DMD: variants seen among roughly 807,000 people sequenced by gnomAD.
DMD encodes dystrophin.
Under a neutral mutation model 330.1 loss-of-function variants are expected in DMD, and 63 were observed. The ratio of observed to expected loss-of-function variants is 0.19; its 90% CI spans 0.16 to 0.24. DMD has a LOEUF of 0.24. Ranked by LOEUF, DMD falls within the 10% of genes least tolerant of loss-of-function variation. The pLI is 1.00. For missense variants in DMD, 3,344 were observed against 2,684.1 expected (o/e 1.25, Z -5.43); for synonymous variants, 1,223 against 959.8 (o/e 1.27, Z -5.07).
chrX:32,498,219 G>C (rs904016325), intron 19 of DMD, among the ~76,000 whole-genome samples: 12 of 111,056 alleles, frequency 1.1e-4, no homozygotes, highest in Non-Finnish European at 1.5e-4. Context: ...GAAAATTACA[G>C]CTATCCAAAA....
In DMD at chrX:31,931,485, C is replaced by T. The variant is rs192119967; in HGVS notation, c.6762+595G>A. 1.4e-3 allele frequency among the ~76,000 whole-genome samples: 160 copies of T among 110,394 alleles called. No individual in the cohort carries two copies. The Middle Eastern group carries it at 0.023, about 16-fold the overall frequency. Reference sequence around the variant, plus strand: ...AATGGAATGTGAACCAACACCACGTCCCACACCCCCAGACAAATCAGCTAA... The same window carrying T: ...AATGGAATGTGAACCAACACCACGTTCCACACCCCCAGACAAATCAGCTAA... On this transcript the variant is annotated intron_variant, in intron 46 of 78. Coordinates refer to ENST00000357033, the MANE Select transcript of DMD (RefSeq NM_004006.3).
At chrX:33,263,674 A>C (rs984762569) in intron 1 of DMD, among the ~76,000 whole-genome samples, 4 of 109,602 alleles carry the variant, frequency 3.6e-5, no homozygotes, top group Non-Finnish European at 5.7e-5. Context: ...ATCTATAAAA[A>C]GATGAATATG....
At chrX:32,574,608 T>C (rs1307804678) in intron 13 of DMD, among the ~76,000 whole-genome samples, 2 of 111,957 alleles carry the variant, frequency 1.8e-5, no homozygotes, top group Non-Finnish European at 3.8e-5. Flanking sequence ...CTTTATAGCC[T>C]GAATTTTCAA....
At position 31,119,892 on chromosome X, in the gene DMD, A is replaced by G. The variant is rs1400438471; in HGVS notation, c.*2027T>C. 1 of 112,115 alleles carries G rather than the reference A, an allele frequency of 8.9e-6. No individual in the cohort carries two copies. The highest frequency in any genetic ancestry group is 1.9e-5 in the Non-Finnish European group (1 of 53,131). The allele number at this position is 112,115 out of a possible 1,213,427, so 9.2% of individuals were successfully genotyped here. ...TATGAAGGAAAAAGAAAGAATTATA[A>G]AGGAAAAAGAAAATAACGCAATGGA... On this transcript the variant is annotated 3_prime_UTR_variant, in exon 79 of 79. Coordinates refer to ENST00000357033, the MANE Select transcript of DMD (RefSeq NM_004006.3).
intron 2 of DMD, among the ~76,000 whole-genome samples, chrX:32,905,482 G>A (rs925648235): frequency 2.7e-5 from 3 of 110,791 alleles, no homozygotes; most frequent in African/African-American, 9.9e-5. Context: ...TCATTCTTTG[G>A]GTCTTAGCAT....
Position 33,005,275 on chromosome X carries a change from A to AACACACACACAC in DMD, c.93+14852_93+14863dup, listed in dbSNP as rs376666672. 4.0e-3 allele frequency among the ~76,000 whole-genome samples: 415 copies of AACACACACACAC among 102,613 alleles called. 3 individuals carry two copies. The highest frequency in any genetic ancestry group is 0.021 in the South Asian group (48 of 2,305). The allele number at this position is 102,613 out of a possible 115,157, so 89.1% of individuals were successfully genotyped here. On this transcript the variant is annotated intron_variant, in intron 2 of 78. Transcript: ENST00000357033. ...AACTTTTGGACTTTACACACACACA[A>AACACACACACAC]ACACACACACACACACACACGCATA...
At chrX:32,298,613 G>T (rs2097507535) in intron 42 of DMD, among the ~76,000 whole-genome samples, 1 of 110,543 alleles carries the variant, frequency 9.0e-6, no homozygotes, top group Non-Finnish European at 1.9e-5. Flanking sequence ...AACTTGCTCA[G>T]AAAATACTGA....
chrX:31,951,063 G>T (rs2095155798), intron 45 of DMD, among the ~76,000 whole-genome samples: 2 of 97,382 alleles, frequency 2.1e-5, no homozygotes, highest in Admixed American at 2.3e-4. Flanking sequence ...TGTAATATTT[G>T]CATATACCTA....
At chrX:31,804,867 CTCTGACA>C (rs2092236174) in intron 50 of DMD, among the ~76,000 whole-genome samples, 1 of 105,894 alleles carries the variant, frequency 9.4e-6, no homozygotes, top group Non-Finnish European at 1.9e-5. Flanking sequence ...AGAATTTTTC[CTCTGACA>C]TCGCTCTGTT....
At chrX:31,137,678 T>C (rs1305698437) in intron 76 of DMD, among the ~76,000 whole-genome samples, 1 of 109,774 alleles carries the variant, frequency 9.1e-6, no homozygotes, top group Non-Finnish European at 1.9e-5. Context: ...ACCCACACAC[T>C]CTCTCTGTGA....
chrX:31,185,798 A>C (rs184190940), intron 67 of DMD, among the ~76,000 whole-genome samples: 159 of 109,997 alleles, frequency 1.4e-3, no homozygotes, highest in African/African-American at 4.7e-3. Flanking sequence ...CCACGTACTA[A>C]ACTGACCTTA....
chrX:33,123,794 C>T (rs1232582358), intron 1 of DMD, among the ~76,000 whole-genome samples: 5 of 107,488 alleles, frequency 4.7e-5, no homozygotes, highest in Non-Finnish European at 9.6e-5. Flanking sequence ...TTCTCACATT[C>T]AATTCATAAT....
chrX:31,293,288 T>C (rs1190701326), intron 62 of DMD, among the ~76,000 whole-genome samples: 1 of 104,842 alleles, frequency 9.5e-6, no homozygotes, highest in Admixed American at 1.1e-4. Flanking sequence ...TTTACTGTCC[T>C]AGATGGCGAA....
intron 29 of DMD, among the ~76,000 whole-genome samples, chrX:32,413,965 C>T (rs1002382462): frequency 3.6e-5 from 4 of 110,699 alleles, no homozygotes; most frequent in African/African-American, 9.9e-5. Flanking sequence ...AGATGATCCA[C>T]CCACCTCGGC....
intron 1 of DMD, among the ~76,000 whole-genome samples, chrX:33,122,916 T>C (rs1243802436): frequency 8.9e-6 from 1 of 112,278 alleles, no homozygotes; most frequent in Non-Finnish European, 1.9e-5. Flanking sequence ...TTCTCCAGCT[T>C]CCATTTCAAT....
At chrX:32,247,910 T>C (rs1437562822) in intron 43 of DMD, among the ~76,000 whole-genome samples, 3 of 111,922 alleles carry the variant, frequency 2.7e-5, no homozygotes, top group Non-Finnish European at 5.6e-5. Flanking sequence ...AATGACCAGT[T>C]TGACAGAGTT....
chrX:33,210,476 G>A (rs749537259), intron 1 of DMD, among the ~76,000 whole-genome samples: 4 of 110,534 alleles, frequency 3.6e-5, no homozygotes, highest in Admixed American at 2.9e-4. Flanking sequence ...AAAAATAAAC[G>A]AAATAGTTGT....
chrX:32,359,955 G>A (rs1455953691), intron 37 of DMD, among the ~76,000 whole-genome samples: 1 of 110,155 alleles, frequency 9.1e-6, no homozygotes, highest in African/African-American at 3.3e-5. Context: ...TTTAAAAATT[G>A]TTAGTCTATT....
At chrX:33,100,953 C>T (rs1392750769) in intron 1 of DMD, among the ~76,000 whole-genome samples, 3 of 110,887 alleles carry the variant, frequency 2.7e-5, no homozygotes, top group Non-Finnish European at 5.7e-5. Flanking sequence ...TAGGATGGTC[C>T]CTGTGTGGCC....
Sources: allele counts gnomAD v4.1 joint callset (sites outside exome capture counted in the v4.1 genomes callset), GRCh38; gene constraint gnomAD v4.1.1; transcripts MANE v1.5; gene names NCBI Gene and HGNC (gene_info 2026-07-23, HGNC 2026-07-21).